The following USP25 variants were observed in gnomAD, a reference collection of about 807,000 sequenced individuals.
The protein encoded by USP25 is ubiquitin specific peptidase 25.
Under a neutral mutation model 158.5 loss-of-function variants are expected in USP25, and 85 were observed. The observed-to-expected ratio is 0.54, with a 90% CI of 0.45 to 0.64. The LOEUF is 0.64. Ranked by LOEUF, USP25 falls within the 30% of genes least tolerant of loss-of-function variation. The probability of loss-of-function intolerance (pLI) is 0.00; values close to 1 mark genes in which losing one functional copy is unlikely to be tolerated. For missense variants in USP25, 1,242 were observed against 1,327.3 expected, an observed-to-expected ratio of 0.94 and a Z score of 1.00; for synonymous variants, 464 against 460.4, an observed-to-expected ratio of 1.01 and a Z score of -0.10.
intron 1 of USP25, among the ~76,000 whole-genome samples, chr21:15,748,486 GATGGGGTCTCGCTCTGTTTCCC>G (rs1159983459): frequency 1.7e-5 from 2 of 117,628 alleles, no homozygotes; most frequent in African/African-American, 3.2e-5. Context: ...TTTTTGTAGA[GATGGGGTCTCGCTCTGTTTCCC>G]AGGCTGGTCT....
intron 9 of USP25, among the ~76,000 whole-genome samples, chr21:15,814,889 G>C (rs1302192623): frequency 6.6e-6 from 1 of 152,142 alleles, no homozygotes; most frequent in Non-Finnish European, 1.5e-5. Flanking sequence ...AAGTAACAAG[G>C]AGCCAAATGT....
In USP25 at chr21:15,877,814, G is replaced by T; in HGVS notation, c.3028G>T (p.Ala1010Ser). ...ECLLKLNEQAAELFESGEDRE... is the reference protein window; with the variant it reads ...ECLLKLNEQASELFESGEDRE... ...CATTAAGAAATTAAATGAGCAAGCCGCAGAACTCTTCGAATCTGGAGAGGA... is the reference window on the plus strand; with the variant it reads ...CATTAAGAAATTAAATGAGCAAGCCTCAGAACTCTTCGAATCTGGAGAGGA... Residue 1010 changes from alanine to serine, a missense_variant, in exon 25 of 26, where the codon GCA becomes TCA. Ala to Ser is a moderately conservative substitution (Grantham distance 99, BLOSUM62 1). Transcript: ENST00000400183. 1 of 1,609,872 alleles carries T rather than the reference G, an allele frequency of 6.2e-7. No homozygotes were observed. The highest frequency in any genetic ancestry group is 1.7e-5 in the Admixed American group (1 of 59,370).
At chr21:15,778,153 G>C in intron 4 of USP25, 126 bp downstream of exon 4, 1 of 910,844 alleles carries the variant, frequency 1.1e-6, no homozygotes, top group South Asian at 3.7e-5. Flanking sequence ...ATATGCTTGT[G>C]TATTTTTAAA....
chr21:15,748,455 T>TG (rs2123289326), intron 1 of USP25, among the ~76,000 whole-genome samples: 1 of 79,248 alleles, frequency 1.3e-5, no homozygotes, highest in South Asian at 4.3e-4. Context: ...TACTTTTTAG[T>TG]TTTTTTTTTT....
At chr21:15,819,764 G>C (rs77071942) in intron 10 of USP25, among the ~76,000 whole-genome samples, 11,189 of 152,070 alleles carry the variant, frequency 0.074, 477 homozygotes, top group East Asian at 0.093. Context: ...TTGTGTTTTT[G>C]AGAACAAATT....
At chr21:15,813,257 A>C (rs2036764939) in intron 9 of USP25, among the ~76,000 whole-genome samples, 1 of 151,948 alleles carries the variant, frequency 6.6e-6, no homozygotes, top group Admixed American at 6.6e-5. Flanking sequence ...CGTTTTTTCC[A>C]CTCATTTCAG....
rs1358023478 is a variant in USP25, at chr21:15,826,903, G to A, written c.1467-74G>A. ...TTGAATTACAAGCCAATTTAATACT[G>A]TGGGTTTGGCACGATCTTTGTCAAG... is the stretch of plus-strand genomic sequence containing the variant. On this transcript the variant is annotated intron_variant, in intron 13 of 25. Coordinates refer to ENST00000400183, the MANE Select transcript of USP25 (RefSeq NM_001283041.3). This position sits in a 1 kb window ranked among gnomAD's most constrained non-coding sequence, Gnocchi z 4.8. 3.4e-6 allele frequency: 5 copies of A among 1,483,280 alleles called. No individual in the cohort carries two copies. Among genetic ancestry groups the A allele is most frequent in the Admixed American group, 3.5e-5 (2 of 57,036 alleles). 91.9% of individuals were successfully genotyped at this position (1,483,280 alleles called of 1,614,324 possible).
intron 15 of USP25, 103 bp from the exon 16 acceptor site, chr21:15,831,298 G>T: frequency 3.9e-6 from 4 of 1,015,102 alleles, no homozygotes; most frequent in African/African-American, 1.7e-5. Flanking sequence ...AAAAAAAAAT[G>T]CTCTTATGGT....
intron 1 of USP25, among the ~76,000 whole-genome samples, chr21:15,747,074 T>A (rs1259578239): frequency 6.6e-6 from 1 of 152,218 alleles, no homozygotes; most frequent in Non-Finnish European, 1.5e-5. Flanking sequence ...ATATTTATGG[T>A]CCACTGTGAT....
At chr21:15,856,503 G>T (rs1054921526) in intron 20 of USP25, among the ~76,000 whole-genome samples, 1 of 150,308 alleles carries the variant, frequency 6.7e-6, no homozygotes, top group Non-Finnish European at 1.5e-5. Context: ...ACGGAGTCTC[G>T]CTCTGTCGCC....
At chr21:15,800,763 A>G (rs976866699) in intron 6 of USP25, among the ~76,000 whole-genome samples, 7 of 151,502 alleles carry the variant, frequency 4.6e-5, no homozygotes, top group African/African-American at 1.5e-4. Flanking sequence ...AGTAGGAGTG[A>G]TGAAATATTA....
chr21:15,764,920 G>T (rs1008742591), intron 2 of USP25, among the ~76,000 whole-genome samples: 5 of 152,164 alleles, frequency 3.3e-5, no homozygotes, highest in Admixed American at 3.3e-4. Flanking sequence ...CAGCTGCTCA[G>T]TCCTTAAATT....
chr21:15,840,720 A>G (rs2038292889), intron 17 of USP25, among the ~76,000 whole-genome samples: 2 of 152,186 alleles, frequency 1.3e-5, no homozygotes, highest in African/African-American at 4.8e-5. Context: ...ATCAGATAAC[A>G]TTACTCTTGG....
At chr21:15,745,473 C>CTT (rs11284817) in intron 1 of USP25, among the ~76,000 whole-genome samples, 37 of 112,984 alleles carry the variant, frequency 3.3e-4, no homozygotes, top group African/African-American at 3.6e-4. Flanking sequence ...TTTTTCTTTT[C>CTT]TTTTTTTTTT....
Position 15,831,472 on chromosome 21 carries a change from T to C in USP25, c.1836T>C (p.Ile612=). 1 of 1,614,106 alleles carries C rather than the reference T, an allele frequency of 6.2e-7. No individual in the cohort carries two copies. The highest frequency in any genetic ancestry group is 1.6e-4 in the Middle Eastern group (1 of 6,062). The part of the protein sequence containing the change: ...QANAGHYWAY[I]FDHRESRWMK... ...ATGCTGGGCACTACTGGGCATATATTTTTGATCATCGTGAAAGCAGATGGA... is the reference window on the plus strand; with the variant it reads ...ATGCTGGGCACTACTGGGCATATATCTTTGATCATCGTGAAAGCAGATGGA... The change falls in exon 16 of 26, where the codon ATT becomes ATC. Residue 612 remains isoleucine (I), a synonymous_variant. Coordinates refer to ENST00000400183, the MANE Select transcript of USP25 (RefSeq NM_001283041.3).
chr21:15,756,395 C>T (rs1428106008), intron 1 of USP25, among the ~76,000 whole-genome samples: 1 of 152,134 alleles, frequency 6.6e-6, no homozygotes, highest in Admixed American at 6.5e-5. Context: ...GAATGCCATA[C>T]TTTGGGGCAT....
intron 20 of USP25, among the ~76,000 whole-genome samples, chr21:15,855,675 G>T (rs1204660366): frequency 6.6e-6 from 1 of 152,166 alleles, no homozygotes; most frequent in South Asian, 2.1e-4. Flanking sequence ...TTTCAAGTCA[G>T]TTACACATCC....
rs1451446898 is a variant in USP25, at chr21:15,816,854, A to T, written c.932-1844A>T. ...TGCCATTTTCAGTCCATAATCTGCC[A>T]GGCATGATGGTTCATGCCTGTAATC... On this transcript the variant is annotated intron_variant, in intron 9 of 25. Transcript: ENST00000400183. The surrounding 1 kb of genome is among the most constrained non-coding windows in gnomAD (Gnocchi z 4.0). Among the ~76,000 whole-genome samples the T allele has an allele frequency of 6.6e-6, 1 of 152,144 alleles. No homozygotes were observed. The highest frequency in any genetic ancestry group is 2.4e-5 in the African/African-American group (1 of 41,430).
intron 21 of USP25, among the ~76,000 whole-genome samples, chr21:15,865,049 T>C (rs2039598042): frequency 1.3e-5 from 2 of 152,168 alleles, no homozygotes; most frequent in Non-Finnish European, 1.5e-5. Flanking sequence ...GAAAATATTC[T>C]ATAGAAATTT....
Sources: allele counts gnomAD v4.1 joint callset (sites outside exome capture counted in the v4.1 genomes callset), GRCh38; gene constraint gnomAD v4.1.1; non-coding constraint Gnocchi (gnomAD v3.1); transcripts MANE v1.5; gene names NCBI Gene and HGNC (gene_info 2026-07-23, HGNC 2026-07-21).